Variants in TENM1 observed in about 807,000 individuals in gnomAD.
The protein encoded by TENM1 is teneurin-1.
A neutral mutation model predicts 174.8 loss-of-function variants in TENM1; 35 were observed. The ratio of observed to expected loss-of-function variants is 0.20; its 90% CI spans 0.15 to 0.27. The LOEUF (loss-of-function observed/expected upper bound fraction) is 0.27, where lower values mean the gene tolerates loss of function less well. Among genes scored for constraint, TENM1 ranks in the 10% least tolerant of loss-of-function variants. The pLI is 1.00. For missense variants in TENM1, 1,633 were observed against 2,130.1 expected (o/e 0.77, Z 4.59); for synonymous variants, 781 against 798.7 (o/e 0.98, Z 0.37).
intron 23 of TENM1, among the ~76,000 whole-genome samples, chrX:124,447,947 C>A (rs1267188001): frequency 9.0e-6 from 1 of 111,585 alleles, no homozygotes; most frequent in Admixed American, 9.5e-5. Flanking sequence ...AACCTGTATC[C>A]AATTTCCTGC....
chrX:124,870,669 A>T (rs749540112), intron 3 of TENM1, among the ~76,000 whole-genome samples: 3 of 108,574 alleles, frequency 2.8e-5, no homozygotes, highest in Non-Finnish European at 5.7e-5. Context: ...TTTTTTTTGG[A>T]GATTGACAAA....
the TENM1 span, among the ~76,000 whole-genome samples, chrX:125,067,408 G>T: frequency 9.1e-6 from 1 of 110,023 alleles, no homozygotes. Flanking sequence ...GGGAAATTTT[G>T]CCAGAACCTC....
chrX:124,597,811 T>C (rs947008715), intron 11 of TENM1, among the ~76,000 whole-genome samples: 4 of 111,531 alleles, frequency 3.6e-5, no homozygotes, highest in African/African-American at 9.8e-5. Context: ...CTGCAGGACA[T>C]TGATTTGGGC....
intron 20 of TENM1, among the ~76,000 whole-genome samples, chrX:124,493,506 T>C (rs1293548317): frequency 1.8e-5 from 2 of 111,759 alleles, no homozygotes; most frequent in African/African-American, 6.5e-5. Flanking sequence ...TAGGGTTAAC[T>C]ATGTAGACTC....
chrX:124,986,310 G>T, the TENM1 span, among the ~76,000 whole-genome samples: 64 of 111,447 alleles, frequency 5.7e-4, no homozygotes, highest in African/African-American at 2.0e-3. Context: ...ATTAAAAAAT[G>T]AAAGTTGCTA....
intron 20 of TENM1, among the ~76,000 whole-genome samples, chrX:124,487,464 G>A (rs956048597): frequency 9.8e-5 from 11 of 112,043 alleles, no homozygotes; most frequent in African/African-American, 2.9e-4. Context: ...TGGTGGATGC[G>A]CAAAGTTCTA....
chrX:125,146,744 T>C, the TENM1 span, among the ~76,000 whole-genome samples: 5 of 111,361 alleles, frequency 4.5e-5, no homozygotes, highest in African/African-American at 1.3e-4. Flanking sequence ...AGACTTCCCT[T>C]ACTCACGGTT....
chrX:125,007,471 T>C, the TENM1 span, among the ~76,000 whole-genome samples: 1 of 111,133 alleles, frequency 9.0e-6, no homozygotes, highest in Non-Finnish European at 1.9e-5. Flanking sequence ...CAGGATATTG[T>C]CCAGGAGAAC....
intron 3 of TENM1, among the ~76,000 whole-genome samples, chrX:124,831,385 ACT>A (rs994131766): frequency 4.5e-5 from 5 of 111,370 alleles, no homozygotes; most frequent in African/African-American, 1.6e-4. Context: ...GTACTCAATG[ACT>A]CTTGCAAATT....
At chrX:124,680,394 C>T (rs1009265260) in intron 5 of TENM1, among the ~76,000 whole-genome samples, 4 of 111,264 alleles carry the variant, frequency 3.6e-5, no homozygotes, top group African/African-American at 6.5e-5. Flanking sequence ...TCATTTACTA[C>T]GTATTTTATA....
intron 11 of TENM1, among the ~76,000 whole-genome samples, chrX:124,607,128 G>A (rs2050178311): frequency 9.0e-6 from 1 of 111,527 alleles, no homozygotes; most frequent in Non-Finnish European, 1.9e-5. Flanking sequence ...AATCTATGAT[G>A]AGCCAAGTAC....
rs184578119 is a variant in TENM1 at position 124,864,202 on chromosome X, T to C, written c.535+30094A>G. ...ATGCCCAGACAACGAAGAATATTGA[T>C]TAGCATCAACACTATCTAGGAAAAC... On this transcript the variant is annotated intron_variant, in intron 3 of 31. Coordinates refer to ENST00000422452, the Ensembl canonical transcript of TENM1. Among the ~76,000 whole-genome samples the C allele has an allele frequency of 7.9e-4, 88 of 112,090 alleles. 1 individual carries two copies. The highest frequency in any genetic ancestry group is 2.8e-3 in the African/African-American group (86 of 30,866).
chrX:125,024,751 AAAAAT>A, the TENM1 span, among the ~76,000 whole-genome samples: 253 of 112,281 alleles, frequency 2.3e-3, no homozygotes, highest in Admixed American at 4.4e-3. Flanking sequence ...CCAAATCTTT[AAAAAT>A]AAAATAAAAT....
chrX:124,863,347 A>T (rs1444592017), intron 3 of TENM1, among the ~76,000 whole-genome samples: 3 of 111,017 alleles, frequency 2.7e-5, no homozygotes, highest in African/African-American at 9.8e-5. Context: ...TGACTATTGA[A>T]CAGCATTTCT....
chrX:125,164,042 G>C, the TENM1 span, among the ~76,000 whole-genome samples: 2 of 111,698 alleles, frequency 1.8e-5, no homozygotes, highest in Non-Finnish European at 3.8e-5. Flanking sequence ...TTTTCTGAGT[G>C]TAACTAACAC....
chrX:124,833,472 T>C (rs1184517002), intron 3 of TENM1, among the ~76,000 whole-genome samples: 1 of 111,784 alleles, frequency 8.9e-6, no homozygotes, highest in Non-Finnish European at 1.9e-5. Flanking sequence ...CATATTTTAT[T>C]ACATTACTTG....
intron 18 of TENM1, among the ~76,000 whole-genome samples, chrX:124,507,116 G>GA (rs201230522): frequency 3.7e-5 from 4 of 109,304 alleles, no homozygotes; most frequent in African/African-American, 6.7e-5. Context: ...TAATAGAAAG[G>GA]AAAAAAAAAT....
the TENM1 span, among the ~76,000 whole-genome samples, chrX:125,190,936 C>T: frequency 9.1e-6 from 1 of 110,266 alleles, no homozygotes; most frequent in South Asian, 3.8e-4. Flanking sequence ...AATTTTACAC[C>T]TTGGTTTATC....
chrX:124,625,975 G>GTA (rs907351289), intron 11 of TENM1, among the ~76,000 whole-genome samples: 3 of 110,900 alleles, frequency 2.7e-5, no homozygotes, highest in African/African-American at 6.6e-5. Context: ...ATTCCACAAT[G>GTA]TATATATATG....
Sources: gnomAD v4.1 joint callset for allele counts (sites outside exome capture counted in the v4.1 genomes callset) on GRCh38, gnomAD v4.1.1 for gene constraint, MANE v1.5 for transcripts, NCBI Gene and HGNC (gene_info 2026-07-23, HGNC 2026-07-21) for gene names.